RALA: variants seen among roughly 807,000 people sequenced by gnomAD.
RALA encodes ras-related protein Ral-A.
RALA carries 5 observed loss-of-function variants against 24.0 expected under a neutral mutation model. That is an observed-to-expected ratio of 0.21 (90% confidence interval 0.11 to 0.44). The LOEUF is 0.44. Ranked by LOEUF, RALA falls within the 20% of genes least tolerant of loss-of-function variation. The probability of loss-of-function intolerance (pLI) is 0.99; values close to 1 mark genes in which losing one functional copy is unlikely to be tolerated. For synonymous variants in RALA, 77 were observed against 83.8 expected, an observed-to-expected ratio of 0.92 and a Z score of 0.44; for missense variants, 95 against 241.2, an observed-to-expected ratio of 0.39 and a Z score of 4.01.
chr7:39,670,067 C>T (rs1010663188), intron 1 of RALA, among the ~76,000 whole-genome samples: 9 of 152,184 alleles, frequency 5.9e-5, no homozygotes, highest in African/African-American at 2.2e-4. Context: ...TGTAGTAGCT[C>T]ATACATAGAA....
At chr7:39,660,951 T>C (rs1401102076) in intron 1 of RALA, among the ~76,000 whole-genome samples, 1 of 152,146 alleles carries the variant, frequency 6.6e-6, no homozygotes, top group Non-Finnish European at 1.5e-5. Context: ...GTGAGTAATT[T>C]ATAAAGAAAA....
chr7:39,641,828 A>C (rs1011856381), intron 1 of RALA, among the ~76,000 whole-genome samples: 1 of 152,202 alleles, frequency 6.6e-6, no homozygotes, highest in Non-Finnish European at 1.5e-5. Context: ...AGTGCTTCTT[A>C]TCTAAACCCT....
At chr7:39,675,507 G>A (rs1245686235) in intron 1 of RALA, among the ~76,000 whole-genome samples, 2 of 152,144 alleles carry the variant, frequency 1.3e-5, no homozygotes, top group African/African-American at 4.8e-5. Flanking sequence ...CTAGGCGGGA[G>A]GATCGCTCGA....
intron 1 of RALA, among the ~76,000 whole-genome samples, chr7:39,657,063 G>A (rs1270371370): frequency 1.3e-5 from 2 of 152,116 alleles, no homozygotes; most frequent in Admixed American, 1.3e-4. Flanking sequence ...CACCTCCCGG[G>A]TTTAAGCGAT....
intron 1 of RALA, among the ~76,000 whole-genome samples, chr7:39,629,735 A>G (rs1791558192): frequency 6.6e-6 from 1 of 152,158 alleles, no homozygotes. Flanking sequence ...AGCTGGGACT[A>G]CAGGCGCGTG....
chr7:39,635,373 C>T (rs767517229), intron 1 of RALA, among the ~76,000 whole-genome samples: 4 of 151,816 alleles, frequency 2.6e-5, no homozygotes, highest in African/African-American at 4.8e-5. Flanking sequence ...AGACCTGTCT[C>T]GAAAAAGAAA....
chr7:39,640,509 G>A (rs918947610), intron 1 of RALA, among the ~76,000 whole-genome samples: 4 of 152,112 alleles, frequency 2.6e-5, no homozygotes, highest in Non-Finnish European at 5.9e-5. Flanking sequence ...TTACTGAGTT[G>A]TAAGAGTTTG....
intron 1 of RALA, among the ~76,000 whole-genome samples, chr7:39,685,933 C>T (rs566718139): frequency 1.7e-4 from 26 of 152,186 alleles, no homozygotes; most frequent in Non-Finnish European, 1.6e-4. Context: ...GTCGGGGGTG[C>T]GGTGGCTCAC....
intron 4 of RALA, among the ~76,000 whole-genome samples, chr7:39,699,887 A>G (rs1232596181): frequency 2.0e-5 from 3 of 151,594 alleles, no homozygotes; most frequent in African/African-American, 7.3e-5. Context: ...AGCTGTGCAG[A>G]TTTTTTTTTC....
chr7:39,659,428 T>TA (rs1792148456), intron 1 of RALA, among the ~76,000 whole-genome samples: 1 of 152,218 alleles, frequency 6.6e-6, no homozygotes, highest in African/African-American at 2.4e-5. Context: ...AACTTCACGT[T>TA]ATGTTTTGTA....
intron 1 of RALA, among the ~76,000 whole-genome samples, chr7:39,659,338 A>G (rs138169845): frequency 3.7e-4 from 56 of 152,304 alleles, no homozygotes; most frequent in African/African-American, 1.3e-3. Flanking sequence ...CAGTACTCTT[A>G]GGAAGAAAAA....
At chr7:39,642,245 C>A (rs903588583) in intron 1 of RALA, among the ~76,000 whole-genome samples, 3 of 152,084 alleles carry the variant, frequency 2.0e-5, no homozygotes, top group Non-Finnish European at 4.4e-5. Context: ...GCATCTTCAA[C>A]AAAGAACAGT....
chr7:39,639,762 C>A (rs958801604), intron 1 of RALA, among the ~76,000 whole-genome samples: 4 of 152,088 alleles, frequency 2.6e-5, no homozygotes, highest in Admixed American at 2.0e-4. Flanking sequence ...AGAGCCTATT[C>A]CAGCAACTCA....
intron 1 of RALA, among the ~76,000 whole-genome samples, chr7:39,626,089 A>G (rs1791480653): frequency 6.6e-6 from 1 of 152,224 alleles, no homozygotes; most frequent in African/African-American, 2.4e-5. Context: ...TTTATAAAAT[A>G]TTTTAACTCT....
chr7:39,690,662 A>G, intron 3 of RALA, 72 bp downstream of exon 3: 2 of 1,220,276 alleles, frequency 1.6e-6, no homozygotes, highest in Non-Finnish European at 2.3e-6. Flanking sequence ...CAAGTAGACA[A>G]CTAGAGGTTC....
intron 2 of RALA, among the ~76,000 whole-genome samples, chr7:39,687,015 T>G (rs1792716346): frequency 6.6e-6 from 1 of 152,186 alleles, no homozygotes; most frequent in Non-Finnish European, 1.5e-5. Context: ...CAGTACGCCT[T>G]TTTTTAGTAA....
chr7:39,666,219 A>T lies in RALA; in HGVS notation c.-37-20412A>T, dbSNP rs1792284918. Among the ~76,000 whole-genome samples the T allele has an allele frequency of 3.3e-5, 5 of 152,174 alleles. No individual in the cohort carries two copies. In the South Asian group the frequency reaches 1.0e-3, roughly 31 times the overall value. ...AGAAGAGAGTAAAAATTCAAAAAAAATGTATACTGGGTGTCAGGGCCACAA... is the reference window on the plus strand; with the variant it reads ...AGAAGAGAGTAAAAATTCAAAAAAATTGTATACTGGGTGTCAGGGCCACAA... On this transcript the variant is annotated intron_variant, in intron 1 of 4. Transcript: ENST00000005257.
intron 1 of RALA, among the ~76,000 whole-genome samples, chr7:39,683,660 A>C (rs962971142): frequency 1.1e-4 from 17 of 152,298 alleles, no homozygotes; most frequent in Non-Finnish European, 1.9e-4. Flanking sequence ...CTTTTCCTGG[A>C]TAGCCTCTTA....
At position 39,625,250 on chromosome 7, in the gene RALA, G is replaced by C. The variant is rs575962156; in HGVS notation, c.-38+1425G>C. On this transcript the variant is annotated intron_variant, in intron 1 of 4. Transcript: ENST00000005257. Reference sequence around the variant, plus strand: ...TTACTTCGTGTTTCATTCTTCAGCAGTCAGAGTTCTTTGCCTTCCAAAACT... The same window carrying C: ...TTACTTCGTGTTTCATTCTTCAGCACTCAGAGTTCTTTGCCTTCCAAAACT... Among the ~76,000 whole-genome samples the C allele has an allele frequency of 2.0e-5, 3 of 152,298 alleles. 1 individual carries two copies. The South Asian group carries it at 6.2e-4, about 32-fold the overall frequency.
Sources: allele counts gnomAD v4.1 joint callset (sites outside exome capture counted in the v4.1 genomes callset), GRCh38; gene constraint gnomAD v4.1.1; transcripts MANE v1.5; gene names NCBI Gene and HGNC (gene_info 2026-07-23, HGNC 2026-07-21).